Variants in ERBB4 observed in about 807,000 individuals in gnomAD.
ERBB4 encodes receptor tyrosine-protein kinase erbB-4.
In ERBB4, 42 loss-of-function variants were observed where a neutral mutation model predicts 158.0. The ratio of observed to expected loss-of-function variants is 0.27; its 90% CI spans 0.21 to 0.34. The LOEUF (loss-of-function observed/expected upper bound fraction) is 0.34, where lower values mean the gene tolerates loss of function less well. Ranked by LOEUF, ERBB4 falls within the 10% of genes least tolerant of loss-of-function variation. The pLI is 1.00. For missense variants in ERBB4, 1,333 were observed against 1,624.1 expected (o/e 0.82, Z 3.08); for synonymous variants, 583 against 558.7 (o/e 1.04, Z -0.61).
chr2:211,603,568 A>G (rs180891253), intron 19 of ERBB4, among the ~76,000 whole-genome samples: 139 of 152,368 alleles, frequency 9.1e-4, no homozygotes, highest in Non-Finnish European at 1.7e-3. Flanking sequence ...GACTAGAAGT[A>G]TTAATTAAGT....
intron 3 of ERBB4, among the ~76,000 whole-genome samples, chr2:211,879,890 C>A (rs1297020624): frequency 2.6e-5 from 4 of 151,470 alleles, no homozygotes; most frequent in Non-Finnish European, 5.9e-5. Context: ...AGGAAGAGAA[C>A]AAAACATGCA....
intron 1 of ERBB4, among the ~76,000 whole-genome samples, chr2:212,307,210 C>T (rs1229960164): frequency 6.6e-6 from 1 of 151,080 alleles, no homozygotes; most frequent in Non-Finnish European, 1.5e-5. Flanking sequence ...GATCAGATGA[C>T]CTTTCAGATC....
chr2:212,227,243 TC>T (rs1559791721), intron 1 of ERBB4, among the ~76,000 whole-genome samples: 5 of 45,146 alleles, frequency 1.1e-4, no homozygotes, highest in South Asian at 3.9e-4. Context: ...AGACTCCACC[TC>T]AAAAAAAAAA....
At chr2:212,473,921 T>C (rs1030976644) in intron 1 of ERBB4, among the ~76,000 whole-genome samples, 1 of 152,110 alleles carries the variant, frequency 6.6e-6, no homozygotes, top group African/African-American at 2.4e-5. Context: ...TGTTTTAATA[T>C]CCATATTAAT....
At chr2:211,784,247 T>C (rs2076104786) in intron 4 of ERBB4, among the ~76,000 whole-genome samples, 1 of 152,238 alleles carries the variant, frequency 6.6e-6, no homozygotes, top group Non-Finnish European at 1.5e-5. Flanking sequence ...TAAAGAGCAA[T>C]TGGACATTTA....
At chr2:211,506,187 A>T (rs2065744737) in intron 20 of ERBB4, among the ~76,000 whole-genome samples, 1 of 150,396 alleles carries the variant, frequency 6.6e-6, no homozygotes, top group African/African-American at 2.5e-5. Context: ...ATTATATAAC[A>T]ATAAAGAGTG....
rs2062604329 is a variant in ERBB4, at chr2:211,383,196, T to C, written c.*419A>G. 3.8e-6 allele frequency: 1 copy of C among 259,748 alleles called. No homozygotes were observed. The allele number at this position is 259,748 out of a possible 1,614,324, so 16.1% of individuals were successfully genotyped here. A position where few individuals can be genotyped will look rare whatever the true frequency, so the allele number is the denominator to read the frequency against. Reference sequence around the variant, plus strand: ...GGATGCTAAATATGCACACATCAGTTCCTGCAGATAGGAACAGATAGCATG... The same window carrying C: ...GGATGCTAAATATGCACACATCAGTCCCTGCAGATAGGAACAGATAGCATG... On this transcript the variant is annotated 3_prime_UTR_variant, in exon 28 of 28. Coordinates refer to ENST00000342788, the MANE Select transcript of ERBB4 (RefSeq NM_005235.3).
At chr2:211,679,358 C>T (rs1258355227) in intron 12 of ERBB4, among the ~76,000 whole-genome samples, 174 bp from the exon 13 acceptor site, 1 of 152,212 alleles carries the variant, frequency 6.6e-6, no homozygotes, top group Non-Finnish European at 1.5e-5. Flanking sequence ...TTCTATATTG[C>T]AGAGTCCTAG....
chr2:212,139,902 A>C (rs1021786724), intron 1 of ERBB4, among the ~76,000 whole-genome samples: 2 of 151,850 alleles, frequency 1.3e-5, no homozygotes, highest in African/African-American at 4.8e-5. Context: ...AATAATATGC[A>C]CTTTATGATA....
At chr2:211,739,721 G>C (rs1248160988) in intron 5 of ERBB4, among the ~76,000 whole-genome samples, 3 of 152,232 alleles carry the variant, frequency 2.0e-5, no homozygotes, top group East Asian at 3.9e-4. Flanking sequence ...TGCCCGCTTC[G>C]GCCTCCCAAA....
At chr2:211,869,593 C>T (rs973676630) in intron 3 of ERBB4, among the ~76,000 whole-genome samples, 4 of 152,028 alleles carry the variant, frequency 2.6e-5, no homozygotes, top group Non-Finnish European at 4.4e-5. Flanking sequence ...TAGCCTATTT[C>T]CTGGCATATA....
At chr2:211,745,740 A>AAAAAAC (rs2074952650) in intron 5 of ERBB4, among the ~76,000 whole-genome samples, 1 of 151,492 alleles carries the variant, frequency 6.6e-6, no homozygotes, top group Admixed American at 6.6e-5. Context: ...CAAAACAAAA[A>AAAAAAC]AAACCCTTAG....
chr2:212,206,648 GCT>G (rs2082764131), intron 1 of ERBB4, among the ~76,000 whole-genome samples: 1 of 141,770 alleles, frequency 7.1e-6, no homozygotes, highest in Non-Finnish European at 1.5e-5. Context: ...CTGCAGTGGT[GCT>G]ATCTCGGCTC....
chr2:211,804,532 G>A (rs2076570677), intron 3 of ERBB4, among the ~76,000 whole-genome samples: 1 of 152,262 alleles, frequency 6.6e-6, no homozygotes, highest in African/African-American at 2.4e-5. Context: ...CCAATAGTCA[G>A]AATTTCAAAA....
intron 20 of ERBB4, among the ~76,000 whole-genome samples, chr2:211,534,066 A>AT (rs924432379): frequency 2.0e-5 from 3 of 151,988 alleles, no homozygotes; most frequent in East Asian, 1.9e-4. Flanking sequence ...ATTTGGTGTG[A>AT]TTTTTTCTTA....
At chr2:211,414,269 G>A (rs970512712) in intron 25 of ERBB4, among the ~76,000 whole-genome samples, 23 of 152,058 alleles carry the variant, frequency 1.5e-4, no homozygotes, top group Non-Finnish European at 2.5e-4. Context: ...AGGCTGAGGC[G>A]GGCGAATCAC....
At chr2:212,403,450 T>C (rs2091264868) in intron 1 of ERBB4, among the ~76,000 whole-genome samples, 1 of 152,082 alleles carries the variant, frequency 6.6e-6, no homozygotes, top group Non-Finnish European at 1.5e-5. Flanking sequence ...TACTCCCATA[T>C]TCATTGTAGC....
chr2:211,650,568 T>C lies in ERBB4; in HGVS notation c.1946+7186A>G, dbSNP rs141168701. Among the ~76,000 whole-genome samples the C allele has an allele frequency of 6.6e-4, 101 of 152,220 alleles. No homozygotes were observed. The Middle Eastern group carries it at 0.01, about 15-fold the overall frequency. Reference sequence around the variant, plus strand: ...CTGTAACCCATTGAAGCTGATGAAATAAACACCCTTCTGTGAATATGCAAT... The same window carrying C: ...CTGTAACCCATTGAAGCTGATGAAACAAACACCCTTCTGTGAATATGCAAT... On this transcript the variant is annotated intron_variant, in intron 16 of 27. Coordinates refer to ENST00000342788, the MANE Select transcript of ERBB4 (RefSeq NM_005235.3).
At chr2:211,859,724 A>G (rs1028645198) in intron 3 of ERBB4, among the ~76,000 whole-genome samples, 2 of 152,192 alleles carry the variant, frequency 1.3e-5, no homozygotes, top group African/African-American at 2.4e-5. Context: ...TCTGCTCATT[A>G]TCTCATATTG....
Sources: gnomAD v4.1 joint callset for allele counts (sites outside exome capture counted in the v4.1 genomes callset) on GRCh38, gnomAD v4.1.1 for gene constraint, MANE v1.5 for transcripts, NCBI Gene and HGNC (gene_info 2026-07-23, HGNC 2026-07-21) for gene names.